Variants in RBFOX1 observed in about 807,000 individuals in gnomAD.
RBFOX1 encodes the protein RNA binding protein fox-1 homolog 1.
In RBFOX1, 8 loss-of-function variants were observed where a neutral mutation model predicts 57.7. That is an observed-to-expected ratio of 0.14 (90% confidence interval 0.08 to 0.25). RBFOX1 has a LOEUF of 0.25. RBFOX1 is among the 10% of genes least tolerant of loss of function. The pLI is 1.00. For missense variants in RBFOX1, 611 were observed against 548.5 expected (o/e 1.11, Z -1.14); for synonymous variants, 326 against 222.4 (o/e 1.47, Z -4.15).
chr16:6,746,416 C>T (rs540811370), intron 3 of RBFOX1, among the ~76,000 whole-genome samples: 2 of 152,088 alleles, frequency 1.3e-5, no homozygotes, highest in African/African-American at 4.8e-5. Context: ...GTGGCTCACA[C>T]CTGTAATCTC....
intron 4 of RBFOX1, among the ~76,000 whole-genome samples, chr16:7,241,706 C>A (rs985474979): frequency 1.3e-5 from 2 of 152,020 alleles, no homozygotes; most frequent in African/African-American, 4.8e-5. Context: ...AAATGTGATA[C>A]AAATGGACAA....
At chr16:6,813,286 C>T (rs984953061) in intron 3 of RBFOX1, among the ~76,000 whole-genome samples, 1 of 152,172 alleles carries the variant, frequency 6.6e-6, no homozygotes, top group African/African-American at 2.4e-5. Context: ...CTCAAAACAG[C>T]CATATTCCAT....
chr16:5,914,456 C>T (rs557677168), intron 4 of RBFOX1, among the ~76,000 whole-genome samples: 17 of 152,034 alleles, frequency 1.1e-4, no homozygotes, highest in African/African-American at 4.1e-4. Flanking sequence ...ATTCATGTAA[C>T]CTTTGGCAGA....
rs1168449932 is a variant in RBFOX1, at chr16:7,224,127, T to TAAAAAAA, written c.27+172052_27+172058dup. 7.3e-4 allele frequency among the ~76,000 whole-genome samples: 38 copies of TAAAAAAA among 52,262 alleles called. 5 individuals carry two copies. The highest frequency in any genetic ancestry group is 2.9e-3 in the East Asian group (4 of 1,374). The allele number at this position is 52,262 out of a possible 152,430, so 34.3% of individuals were successfully genotyped here. Reference sequence around the variant, plus strand: ...TTTCTATCCTGATTCTTCCTTTTTCTAAAAAAAAAAAAAAAAAAAAAAAAA... The same window carrying TAAAAAAA: ...TTTCTATCCTGATTCTTCCTTTTTCTAAAAAAAAAAAAAAAAAAAAAAAAAAAAAAAA... On this transcript the variant is annotated intron_variant, in intron 4 of 15. Coordinates refer to ENST00000550418, the MANE Select transcript of RBFOX1 (RefSeq NM_018723.4).
intron 4 of RBFOX1, among the ~76,000 whole-genome samples, chr16:7,204,713 C>T (rs909294166): frequency 7.2e-5 from 11 of 152,222 alleles, no homozygotes; most frequent in African/African-American, 2.6e-4. Context: ...GGCATTTTTC[C>T]TTGTATTTTT....
intron 1 of RBFOX1, among the ~76,000 whole-genome samples, chr16:6,194,830 TTATCTC>T (rs1476325268): frequency 2.6e-5 from 4 of 152,246 alleles, no homozygotes; most frequent in Admixed American, 2.6e-4. Flanking sequence ...AGCTTTATGT[TTATCTC>T]TATCCTTAGT....
Position 6,747,066 on chromosome 16 carries a change from C to T in RBFOX1, c.-16+92416C>T, listed in dbSNP as rs199946633. Among the ~76,000 whole-genome samples, 64 of 152,240 alleles carry T rather than the reference C, an allele frequency of 4.2e-4. 1 individual carries two copies. The East Asian group carries it at 5.2e-3, about 12-fold the overall frequency. ...TAGCAGACCTCTGCAGAACCCCTCA[C>T]GGTACCATAGCAGGTCCCTATACCA... On this transcript the variant is annotated intron_variant, in intron 3 of 15. Transcript: ENST00000550418.
chr16:6,901,394 G>A lies in RBFOX1; in HGVS notation c.-15-150663G>A, dbSNP rs76594592. On this transcript the variant is annotated intron_variant, in intron 3 of 15. Transcript: ENST00000550418. ...GGTGCAAAATCAAAGTGAACAGGAC[G>A]TTCCTACTACCTTTGGGGAAGACAA... Among the ~76,000 whole-genome samples, 1,485 of 152,222 alleles carry A rather than the reference G, an allele frequency of 9.8e-3. 24 individuals are homozygous for A. Among genetic ancestry groups the A allele is most frequent in the African/African-American group, 0.033 (1,390 of 41,546 alleles).
In RBFOX1 at chr16:7,581,927, G is replaced by T. The variant is rs2093797084; in HGVS notation, c.414+2007G>T. On this transcript the variant is annotated intron_variant, in intron 6 of 15. Coordinates refer to ENST00000550418, the MANE Select transcript of RBFOX1 (RefSeq NM_018723.4). Reference sequence around the variant, plus strand: ...AGATGGGGTCTCAATTTGTTGTCCAGGCTGCTCACAAATTCCTGGCCTCAA... The same window carrying T: ...AGATGGGGTCTCAATTTGTTGTCCATGCTGCTCACAAATTCCTGGCCTCAA... Among the ~76,000 whole-genome samples the T allele has an allele frequency of 4.0e-5, 6 of 151,856 alleles. No homozygotes were observed. In the South Asian group the frequency reaches 1.3e-3, roughly 32 times the overall value.
At chr16:6,894,813 T>A (rs186776264) in intron 3 of RBFOX1, among the ~76,000 whole-genome samples, 1 of 152,340 alleles carries the variant, frequency 6.6e-6, no homozygotes, top group Non-Finnish European at 1.5e-5. Flanking sequence ...TATTTTATCA[T>A]TTTAGGTAGT....
intron 4 of RBFOX1, among the ~76,000 whole-genome samples, chr16:7,428,093 G>A (rs1335642954): frequency 6.6e-6 from 1 of 152,058 alleles, no homozygotes; most frequent in African/African-American, 2.4e-5. Flanking sequence ...GGAGGCCCCA[G>A]CTGCATTTGT....
chr16:6,606,524 C>A (rs190959501), intron 2 of RBFOX1, among the ~76,000 whole-genome samples: 1 of 152,168 alleles, frequency 6.6e-6, no homozygotes, highest in Non-Finnish European at 1.5e-5. Flanking sequence ...CCTCCTCCTT[C>A]CCCTCTACGA....
intron 2 of RBFOX1, among the ~76,000 whole-genome samples, chr16:6,575,109 G>C (rs1049851311): frequency 6.6e-6 from 1 of 151,546 alleles, no homozygotes; most frequent in Non-Finnish European, 1.5e-5. Context: ...ACATGGCCTG[G>C]GGTCTCCCCG....
At chr16:6,659,498 A>G (rs1334931632) in intron 3 of RBFOX1, among the ~76,000 whole-genome samples, 2 of 152,082 alleles carry the variant, frequency 1.3e-5, no homozygotes, top group Non-Finnish European at 2.9e-5. Context: ...AATACTTAAA[A>G]CAGTTGTGGT....
chr16:5,579,711 C>G (rs958756786), intron 2 of RBFOX1, among the ~76,000 whole-genome samples: 2 of 152,090 alleles, frequency 1.3e-5, no homozygotes, highest in African/African-American at 4.8e-5. Flanking sequence ...CTTTTCCTTT[C>G]ATGACACTTA....
intron 13 of RBFOX1, among the ~76,000 whole-genome samples, chr16:7,671,113 T>A (rs1053150852): frequency 9.9e-5 from 15 of 152,246 alleles, no homozygotes; most frequent in Admixed American, 2.0e-4. Flanking sequence ...AAGGCATTTA[T>A]GCAGTTATGG....
intron 2 of RBFOX1, among the ~76,000 whole-genome samples, chr16:5,534,233 C>G (rs906902954): frequency 6.6e-6 from 1 of 152,118 alleles, no homozygotes; most frequent in Non-Finnish European, 1.5e-5. Context: ...GATTTGTCAT[C>G]TACCAAGTCA....
At chr16:7,189,576 C>T (rs1010014636) in intron 4 of RBFOX1, among the ~76,000 whole-genome samples, 27 of 150,852 alleles carry the variant, frequency 1.8e-4, no homozygotes, top group African/African-American at 6.3e-4. Flanking sequence ...CACACACACA[C>T]ACACACACAC....
At chr16:6,598,555 G>A (rs1283215915) in intron 2 of RBFOX1, among the ~76,000 whole-genome samples, 1 of 152,212 alleles carries the variant, frequency 6.6e-6, no homozygotes, top group Non-Finnish European at 1.5e-5. Context: ...GGAGAAACAT[G>A]AGAAACACTT....
Sources: gnomAD v4.1 joint callset for allele counts (sites outside exome capture counted in the v4.1 genomes callset) on GRCh38, gnomAD v4.1.1 for gene constraint, MANE v1.5 for transcripts, NCBI Gene and HGNC (gene_info 2026-07-23, HGNC 2026-07-21) for gene names.